Variants in TMPRSS7 observed in about 807,000 individuals in gnomAD.
The protein encoded by TMPRSS7 is transmembrane protease serine 7.
A neutral mutation model predicts 95.6 loss-of-function variants in TMPRSS7; 81 were observed. That is an observed-to-expected ratio of 0.85 (90% CI 0.71 to 1.02). The LOEUF is 1.02. Ranked by LOEUF, TMPRSS7 falls within the 50% of genes least tolerant of loss-of-function variation. TMPRSS7 has a pLI of 0.00. For synonymous variants in TMPRSS7, 364 were observed against 337.8 expected, an observed-to-expected ratio of 1.08 and a Z score of -0.85; for missense variants, 945 against 955.2, an observed-to-expected ratio of 0.99 and a Z score of 0.14.
chr3:112,060,344 C>G (rs548424723), intron 10 of TMPRSS7, among the ~76,000 whole-genome samples: 1 of 152,160 alleles, frequency 6.6e-6, no homozygotes, highest in Admixed American at 6.6e-5. Context: ...CCGGTCTGAC[C>G]AAAAATTTAT....
At chr3:112,064,544 G>A (rs1199066087) in intron 12 of TMPRSS7, among the ~76,000 whole-genome samples, 1 of 148,504 alleles carries the variant, frequency 6.7e-6, no homozygotes, top group Non-Finnish European at 1.5e-5. Flanking sequence ...TAAAGACAAT[G>A]TCTTTAATAA....
intron 7 of TMPRSS7, among the ~76,000 whole-genome samples, chr3:112,048,570 T>C (rs1007618768): frequency 6.6e-6 from 1 of 152,238 alleles, no homozygotes; most frequent in Non-Finnish European, 1.5e-5. Context: ...GGTAAACTAA[T>C]AATGAATTAG....
At chr3:112,075,351 G>T (rs142998665) in exon 15 of TMPRSS7, 8 of 1,454,910 alleles carry the variant, frequency 5.5e-6, no homozygotes, top group African/African-American at 1.5e-5. Context: ...GCCCTTCACC[G>T]CATCATCGGA....
At chr3:112,056,133 CAATA>C (rs2073429555) in intron 9 of TMPRSS7, among the ~76,000 whole-genome samples, 1 of 152,006 alleles carries the variant, frequency 6.6e-6, no homozygotes, top group African/African-American at 2.4e-5. Context: ...TAGTGGAGGA[CAATA>C]AATAAGGCAA....
At chr3:112,076,792 C>A in intron 15 of TMPRSS7, 84 bp from the exon 16 acceptor site, 1 of 1,492,040 alleles carries the variant, frequency 6.7e-7, no homozygotes, top group Non-Finnish European at 9.1e-7. Context: ...TCTTTTTCAG[C>A]CCTCAACTCT....
chr3:112,075,412 T>C, exon 15 of TMPRSS7: 11 of 1,553,930 alleles, frequency 7.1e-6, no homozygotes, highest in Non-Finnish European at 9.6e-6. Flanking sequence ...GCCTCCACTT[T>C]GTTGGATCTG....
At chr3:112,049,876 T>C (rs1385219108) in exon 8 of TMPRSS7, 1 of 1,547,630 alleles carries the variant, frequency 6.5e-7, no homozygotes. Flanking sequence ...TTAATGTCAT[T>C]TGTTTCTACA....
At chr3:112,052,612 AG>A (rs1489968222) in intron 9 of TMPRSS7, among the ~76,000 whole-genome samples, 3 of 152,104 alleles carry the variant, frequency 2.0e-5, no homozygotes, top group Non-Finnish European at 4.4e-5. Flanking sequence ...TGAGGAGGAG[AG>A]GAAAAGAGGA....
intron 10 of TMPRSS7, among the ~76,000 whole-genome samples, chr3:112,058,032 T>C (rs988904064): frequency 1.3e-5 from 2 of 152,320 alleles, no homozygotes; most frequent in African/African-American, 2.4e-5. Flanking sequence ...AGCCCTTGAA[T>C]AGGTTTTCAA....
In TMPRSS7 at chr3:112,056,940, G is replaced by A. The variant is rs1326255866; in HGVS notation, c.1204-85G>A. On this transcript the variant is annotated intron_variant, in intron 9 of 17. Transcript: ENST00000452346. ...AAGGGCCACAGGGCGCAAGTAGAAT[G>A]GCCTTAAAACAACAAGCCAAGGGAA... 5 of 900,892 alleles carry A rather than the reference G, an allele frequency of 5.6e-6. No individual in the cohort carries two copies. In the African/African-American group the frequency reaches 6.7e-5, roughly 12 times the overall value. The allele number at this position is 900,892 out of a possible 1,614,324, so 55.8% of individuals were successfully genotyped here.
At chr3:112,047,896 C>T (rs774411723) in exon 7 of TMPRSS7, 21 of 1,613,904 alleles carry the variant, frequency 1.3e-5, no homozygotes, top group Middle Eastern at 1.6e-4. Context: ...AAATCGAAGC[C>T]GACAACTGTG....
At chr3:112,081,254 A>C (rs2073775877), downstream of TMPRSS7, 2 of 370,214 alleles carry the variant, frequency 5.4e-6, no homozygotes, top group South Asian at 9.2e-5. Context: ...AACATGGTGA[A>C]ACCCTGTCTC....
At chr3:112,071,773 T>C (rs780918984) in intron 13 of TMPRSS7, among the ~76,000 whole-genome samples, 25 of 152,262 alleles carry the variant, frequency 1.6e-4, no homozygotes, top group Non-Finnish European at 3.4e-4. Flanking sequence ...CACGTAGTTC[T>C]CGTGCCATAG....
At chr3:112,077,229 G>A (rs1469075800) in intron 16 of TMPRSS7, 85 bp downstream of exon 16, 2 of 1,476,086 alleles carry the variant, frequency 1.4e-6, no homozygotes, top group African/African-American at 1.4e-5. Flanking sequence ...CACAGAGAGG[G>A]TTTGTGTATA....
intron 9 of TMPRSS7, among the ~76,000 whole-genome samples, chr3:112,051,159 G>A (rs970140347): frequency 1.3e-5 from 2 of 152,098 alleles, no homozygotes; most frequent in Non-Finnish European, 2.9e-5. Flanking sequence ...TCAGCCCTCT[G>A]TATCTGCAGG....
intron 10 of TMPRSS7, among the ~76,000 whole-genome samples, chr3:112,060,064 C>T (rs1441572393): frequency 1.3e-5 from 2 of 152,090 alleles, no homozygotes; most frequent in African/African-American, 4.8e-5. Flanking sequence ...GGGGAGACAT[C>T]ACATGTTGGT....
At chr3:112,048,030 T>A (rs2073301500) in intron 7 of TMPRSS7, 63 bp downstream of exon 7, 1 of 1,496,588 alleles carries the variant, frequency 6.7e-7, no homozygotes, top group Non-Finnish European at 9.2e-7. Flanking sequence ...TTTTACAGTA[T>A]CTGTGTTCCC....
chr3:112,036,158 A>G (rs2073148475), intron 1 of TMPRSS7, among the ~76,000 whole-genome samples: 1 of 152,198 alleles, frequency 6.6e-6, no homozygotes. Flanking sequence ...TAGGAAATCA[A>G]TTCATTTCTG....
At chr3:112,065,630 C>A (rs530634942) in intron 12 of TMPRSS7, among the ~76,000 whole-genome samples, 1 of 152,196 alleles carries the variant, frequency 6.6e-6, no homozygotes, top group East Asian at 1.9e-4. Flanking sequence ...ACCTAATGAA[C>A]AATTTTAGGG....
Sources: allele counts gnomAD v4.1 joint callset (sites outside exome capture counted in the v4.1 genomes callset), GRCh38; gene constraint gnomAD v4.1.1; transcripts MANE v1.5; gene names NCBI Gene and HGNC (gene_info 2026-07-23, HGNC 2026-07-21).